FGGY: variants seen among roughly 807,000 people sequenced by gnomAD.
The protein encoded by FGGY is FGGY carbohydrate kinase domain containing.
A neutral mutation model predicts 71.3 loss-of-function variants in FGGY; 72 were observed. The observed-to-expected ratio is 1.01, with a 90% CI of 0.84 to 1.23. The LOEUF (loss-of-function observed/expected upper bound fraction) is 1.23. Among genes scored for constraint, FGGY ranks in the 50% most tolerant of loss-of-function variants. FGGY has a pLI of 0.00. For synonymous variants in FGGY, 251 were observed against 250.3 expected (o/e 1.00, Z -0.02); for missense variants, 668 against 682.3 (o/e 0.98, Z 0.23).
In FGGY at chr1:59,421,881, AT is replaced by A. The variant is rs1365583405; in HGVS notation, c.555-35077del. On this transcript the variant is annotated intron_variant, in intron 5 of 15. Coordinates refer to ENST00000303721, the MANE Select transcript of FGGY (RefSeq NM_018291.5). ...CGTTGCCATGATGAGAATGTGAAGG[AT>A]TTGGGTTGAAGTTAAGGACACTTCC... is the stretch of plus-strand genomic sequence containing the variant. 9.9e-5 allele frequency among the ~76,000 whole-genome samples: 15 copies of A among 152,212 alleles called. No individual in the cohort carries two copies. In the East Asian group the frequency reaches 2.9e-3, roughly 29 times the overall value.
chr1:59,512,147 A>T (rs1025704466), intron 6 of FGGY, among the ~76,000 whole-genome samples, 164 bp from the exon 7 acceptor site: 1 of 152,240 alleles, frequency 6.6e-6, no homozygotes, highest in Non-Finnish European at 1.5e-5. Context: ...CACGTACACT[A>T]AAGTCACTGG....
intron 14 of FGGY, among the ~76,000 whole-genome samples, chr1:59,730,930 C>T (rs1432557875): frequency 6.6e-6 from 1 of 152,198 alleles, no homozygotes; most frequent in Non-Finnish European, 1.5e-5. Flanking sequence ...CGTTTAGTAG[C>T]CCACGCAAGG....
intron 10 of FGGY, among the ~76,000 whole-genome samples, chr1:59,627,489 T>TATATATATATATATATATATACAC (rs1469493501): frequency 1.1e-5 from 1 of 92,782 alleles, no homozygotes; most frequent in South Asian, 3.8e-4. Flanking sequence ...TATATATATA[T>TATATATATATATATATATATACAC]ACACACACAC....
At chr1:59,592,474 A>C (rs970427459) in intron 8 of FGGY, among the ~76,000 whole-genome samples, 3 of 152,222 alleles carry the variant, frequency 2.0e-5, no homozygotes, top group African/African-American at 7.2e-5. Flanking sequence ...TGGTATAAAG[A>C]CACATGCACA....
chr1:59,573,590 C>G lies in FGGY; in HGVS notation c.903+19363C>G, dbSNP rs189915706. ...ACAATAATTCTTTGTTCTATTTTTA[C>G]AACTATTTCATAAGTGTTAAATCAT... On this transcript the variant is annotated intron_variant, in intron 8 of 15. Transcript: ENST00000303721. Among the ~76,000 whole-genome samples the G allele has an allele frequency of 1.1e-4, 16 of 152,138 alleles. No individual in the cohort carries two copies. In the East Asian group the frequency reaches 3.1e-3, roughly 29 times the overall value.
chr1:59,548,398 G>A (rs1486369403), intron 7 of FGGY, among the ~76,000 whole-genome samples: 1 of 152,158 alleles, frequency 6.6e-6, no homozygotes, highest in African/African-American at 2.4e-5. Flanking sequence ...GAGTACTGGT[G>A]TGTTCCACCT....
chr1:59,369,121 T>C (rs1252894617), intron 4 of FGGY, among the ~76,000 whole-genome samples: 3 of 152,134 alleles, frequency 2.0e-5, no homozygotes, highest in African/African-American at 7.2e-5. Flanking sequence ...ATTGCCTCAC[T>C]CGGAAAGCGC....
chr1:59,330,429 C>T (rs572723947), intron 2 of FGGY, among the ~76,000 whole-genome samples: 2 of 151,992 alleles, frequency 1.3e-5, no homozygotes, highest in South Asian at 2.1e-4. Flanking sequence ...ATTAGCTGGG[C>T]GTGGTGGTGT....
intron 8 of FGGY, among the ~76,000 whole-genome samples, chr1:59,580,862 CCCATCT>C (rs2096180926): frequency 6.6e-6 from 1 of 152,122 alleles, no homozygotes; most frequent in African/African-American, 2.4e-5. Context: ...TAGAGAAAAG[CCCATCT>C]ATTCCATTGA....
chr1:59,302,816 T>C (rs923442053), intron 1 of FGGY, among the ~76,000 whole-genome samples: 2 of 151,714 alleles, frequency 1.3e-5, no homozygotes, highest in African/African-American at 4.8e-5. Context: ...AAATAAGTTT[T>C]AAAAAATAAA....
intron 6 of FGGY, among the ~76,000 whole-genome samples, chr1:59,503,594 CAT>C (rs71046332): frequency 0.31 from 39,278 of 127,430 alleles, 5,797 homozygotes; most frequent in Middle Eastern, 0.37. Context: ...GTGGTGTCGC[CAT>C]ATATATATAT....
intron 10 of FGGY, among the ~76,000 whole-genome samples, chr1:59,634,264 G>A (rs571759048): frequency 9.5e-4 from 144 of 152,130 alleles, no homozygotes; most frequent in Admixed American, 1.8e-3. Context: ...AAATTTAGCT[G>A]GGCATGGTGG....
intron 14 of FGGY, among the ~76,000 whole-genome samples, chr1:59,750,274 C>CA (rs2098234310): frequency 1.3e-5 from 2 of 152,028 alleles, no homozygotes; most frequent in Admixed American, 1.3e-4. Context: ...GTTTTAGAGT[C>CA]AAAATTAGAG....
chr1:59,542,102 T>A (rs1331849019), intron 7 of FGGY, among the ~76,000 whole-genome samples: 1 of 152,106 alleles, frequency 6.6e-6, no homozygotes, highest in African/African-American at 2.4e-5. Context: ...AATCATAAGG[T>A]CAGAGGAAAG....
rs1557833921 is a variant in FGGY, at chr1:59,409,596, T to TATATATA, written c.554+30759_554+30760insATATATA. ...ATTGCAAGCCTGTGAAGGAAGAGTT[T>TATATATA]TTTATATATATATATATATATATAT... On this transcript the variant is annotated intron_variant, in intron 5 of 15. Coordinates refer to ENST00000303721, the MANE Select transcript of FGGY (RefSeq NM_018291.5). 4.8e-3 allele frequency among the ~76,000 whole-genome samples: 401 copies of TATATATA among 83,946 alleles called. 1 individual carries two copies. Among genetic ancestry groups the TATATATA allele is most frequent in the African/African-American group, 0.015 (382 of 24,958 alleles). 55.1% of individuals were successfully genotyped at this position (83,946 alleles called of 152,430 possible). A position where few individuals can be genotyped will look rare whatever the true frequency, so the allele number is the denominator to read the frequency against.
intron 14 of FGGY, among the ~76,000 whole-genome samples, chr1:59,723,258 T>C (rs2097912464): frequency 6.6e-6 from 1 of 152,216 alleles, no homozygotes; most frequent in Admixed American, 6.5e-5. Flanking sequence ...CCCATATCTA[T>C]AAATATTTCT....
At chr1:59,752,239 T>G (rs6587871) in intron 14 of FGGY, among the ~76,000 whole-genome samples, 54,726 of 152,168 alleles carry the variant, frequency 0.36, 11,136 homozygotes, top group South Asian at 0.49. Flanking sequence ...TAAGAAACAC[T>G]GCCATCACTT....
chr1:59,480,685 G>C (rs889888261), intron 6 of FGGY, among the ~76,000 whole-genome samples: 1 of 152,204 alleles, frequency 6.6e-6, no homozygotes, highest in Non-Finnish European at 1.5e-5. Flanking sequence ...GAAGAGTTGA[G>C]TGAAGGAGAT....
intron 7 of FGGY, among the ~76,000 whole-genome samples, chr1:59,538,838 A>C (rs1332371672): frequency 1.9e-5 from 2 of 106,162 alleles, no homozygotes; most frequent in African/African-American, 3.7e-5. Flanking sequence ...CACTTTGGGG[A>C]CTGTTGTGGG....
Sources: gnomAD v4.1 joint callset for allele counts (sites outside exome capture counted in the v4.1 genomes callset) on GRCh38, gnomAD v4.1.1 for gene constraint, MANE v1.5 for transcripts, NCBI Gene and HGNC (gene_info 2026-07-23, HGNC 2026-07-21) for gene names.